FREM2: variants seen among roughly 807,000 people sequenced by gnomAD.
The protein encoded by FREM2 is FRAS1 related extracellular matrix 2, also known as FRAS1-related extracellular matrix protein 2.
In FREM2, 119 loss-of-function variants were observed where a neutral mutation model predicts 219.9. That is an observed-to-expected ratio of 0.54 (90% CI 0.47 to 0.63). The LOEUF (loss-of-function observed/expected upper bound fraction) is 0.63. Ranked by LOEUF, FREM2 falls within the 30% of genes least tolerant of loss-of-function variation. FREM2 has a pLI of 0.00. For synonymous variants in FREM2, 1,562 were observed against 1,522.8 expected, an observed-to-expected ratio of 1.03 and a Z score of -0.60; for missense variants, 4,030 against 3,993.6, an observed-to-expected ratio of 1.01 and a Z score of -0.25.
Position 38,851,772 on chromosome 13 carries a change from A to G in FREM2, c.6829A>G (p.Ile2277Val), listed in dbSNP as rs965071701. The G allele has an allele frequency of 1.2e-6, 2 of 1,613,858 alleles. No homozygotes were observed. Among genetic ancestry groups the G allele is most frequent in the Non-Finnish European group, 1.7e-6 (2 of 1,179,810 alleles). ...GESVVIRIPV[I>V]RQGDTSKVSI... ...GTCGGTGGTTATAAGAATTCCAGTG[A>G]TTCGCCAAGGAGACACTTCAAAGGT... Residue 2277 changes from isoleucine (I) to valine (V), a missense_variant, in exon 11 of 24, where the codon ATT (isoleucine) becomes GTT (valine). Ile to Val is a conservative substitution (Grantham distance 29). Transcript: ENST00000280481.
rs886042126 is a variant in FREM2, at chr13:38,691,675, T to A, written c.4331T>A (p.Leu1444Gln). 6.2e-7 allele frequency: 1 copy of A among 1,614,176 alleles called. No individual in the cohort carries two copies. The highest frequency in any genetic ancestry group is 8.5e-7 in the Non-Finnish European group (1 of 1,180,020). Residue 1444 changes from leucine (L) to glutamine (Q), a missense_variant, in exon 1 of 24, where the codon CTA (leucine) becomes CAA (glutamine). By Grantham distance (113) the Leu-to-Gln change is moderately radical (BLOSUM62 -2). Transcript: ENST00000280481. The part of the protein sequence containing the change: ...GGKVTLTTDL[L>Q]STSDLNSPDE... ...AAAGTCACTCTTACAACAGACCTAC[T>A]AAGCACTAGTGACTTGAACAGTCCT...
chr13:38,828,611 T>C lies in FREM2; in HGVS notation c.6020-17962T>C, dbSNP rs115484928. Among the ~76,000 whole-genome samples the C allele has an allele frequency of 9.5e-3, 1,447 of 152,056 alleles. 21 individuals are homozygous for C. The highest frequency in any genetic ancestry group is 0.034 in the African/African-American group (1,394 of 41,506). ...CTGTAATCCTACCTTCTTAGGAGGCTGAGGCAGGAGGATCACTTGAGCCCA... is the reference window on the plus strand; with the variant it reads ...CTGTAATCCTACCTTCTTAGGAGGCCGAGGCAGGAGGATCACTTGAGCCCA... On this transcript the variant is annotated intron_variant, in intron 6 of 23. Coordinates refer to ENST00000280481, the MANE Select transcript of FREM2 (RefSeq NM_207361.6).
At chr13:38,756,900 A>G (rs966745780) in intron 2 of FREM2, among the ~76,000 whole-genome samples, 3 of 152,234 alleles carry the variant, frequency 2.0e-5, no homozygotes, top group African/African-American at 7.2e-5. Flanking sequence ...AAATATGGAA[A>G]ATGTGGCACT....
intron 2 of FREM2, among the ~76,000 whole-genome samples, chr13:38,713,397 T>C (rs1342062272): frequency 1.3e-5 from 2 of 152,220 alleles, no homozygotes; most frequent in African/African-American, 4.8e-5. Context: ...CACAAGAATG[T>C]GAACATATAA....
intron 2 of FREM2, among the ~76,000 whole-genome samples, chr13:38,756,524 CTTT>C (rs1187227144): frequency 1.3e-4 from 13 of 103,494 alleles, no homozygotes; most frequent in Non-Finnish European, 2.0e-4. Flanking sequence ...GGTTGGGGAC[CTTT>C]TTTTTTTTTT....
In FREM2 at chr13:38,844,379, G is replaced by A. The variant is rs553196974; in HGVS notation, c.6020-2194G>A. ...TCTGTACATATATGGTAACTCATTC[G>A]TCTTCATTTCGAATGACAACTTAGA... On this transcript the variant is annotated intron_variant, in intron 6 of 23. Coordinates refer to ENST00000280481, the MANE Select transcript of FREM2 (RefSeq NM_207361.6). Among the ~76,000 whole-genome samples, 29 of 152,052 alleles carry A rather than the reference G, an allele frequency of 1.9e-4. 1 individual carries two copies. In the South Asian group the frequency reaches 5.6e-3, roughly 29 times the overall value.
At chr13:38,831,299 G>A (rs1876499406) in intron 6 of FREM2, among the ~76,000 whole-genome samples, 2 of 152,114 alleles carry the variant, frequency 1.3e-5, no homozygotes, top group African/African-American at 4.8e-5. Context: ...GGAAAATTTT[G>A]ATGACTGTGA....
In FREM2 at chr13:38,688,783, G is replaced by A. The variant is rs754308022; in HGVS notation, c.1439G>A (p.Arg480Gln). ...ISDEDDLEAV[R>Q]LEVVAGLRHG... The stretch of plus-strand genomic sequence containing the variant: ...GATGAGGATGACCTAGAAGCAGTGC[G>A]GCTAGAGGTGGTGGCTGGGCTCCGG... Residue 480 changes from arginine to glutamine, a missense_variant, in exon 1 of 24, where the codon CGG (arginine) becomes CAG (glutamine). Physicochemically the swap from Arg to Gln is conservative, Grantham distance 43. Coordinates refer to ENST00000280481, the MANE Select transcript of FREM2 (RefSeq NM_207361.6). 23 of 1,614,090 alleles carry A rather than the reference G, an allele frequency of 1.4e-5. No homozygotes were observed. Among genetic ancestry groups the A allele is most frequent in the Middle Eastern group, 1.6e-4 (1 of 6,062 alleles).
chr13:38,822,321 G>A lies in FREM2; in HGVS notation c.6020-24252G>A, dbSNP rs575389346. ...AGAGCTGAAGCTCTGTGGTCAAAAT[G>A]CCAACAAGGAGCCCATTCTTTCTTT... is the stretch of plus-strand genomic sequence containing the variant. On this transcript the variant is annotated intron_variant, in intron 6 of 23. Transcript: ENST00000280481. Among the ~76,000 whole-genome samples, 3 of 147,898 alleles carry A rather than the reference G, an allele frequency of 2.0e-5. No individual in the cohort carries two copies. The South Asian group carries it at 6.5e-4, about 32-fold the overall frequency.
intron 1 of FREM2, among the ~76,000 whole-genome samples, chr13:38,692,836 C>T (rs1322782966): frequency 1.3e-5 from 2 of 152,186 alleles, no homozygotes; most frequent in Non-Finnish European, 2.9e-5. Context: ...ACCTATCCAA[C>T]GCATCCTCTG....
chr13:38,790,434 C>T (rs370129627), intron 6 of FREM2, among the ~76,000 whole-genome samples: 1 of 151,980 alleles, frequency 6.6e-6, no homozygotes, highest in South Asian at 2.1e-4. Context: ...AAAAGAGTTT[C>T]TATTATATTT....
In FREM2 at chr13:38,851,059, A is replaced by C; in HGVS notation, c.6693A>C (p.Ala2231=). 1 of 1,614,052 alleles carries C rather than the reference A, an allele frequency of 6.2e-7. No individual in the cohort carries two copies. Among genetic ancestry groups the C allele is most frequent in the Non-Finnish European group, 8.5e-7 (1 of 1,179,980 alleles). ...TPQSNSPFGA[A]VGEQNETLIR... is the part of the protein sequence containing the mutation. ...AAAGCAACTCTCCCTTTGGGGCTGC[A>C]GTTGGTGAACAAAATGAAACTCTCA... Residue 2231 remains alanine, a synonymous_variant, in exon 10 of 24, where the codon GCA becomes GCC. Coordinates refer to ENST00000280481, the MANE Select transcript of FREM2 (RefSeq NM_207361.6).
At chr13:38,780,966 T>C (rs1004977350) in intron 4 of FREM2, among the ~76,000 whole-genome samples, 1 of 152,246 alleles carries the variant, frequency 6.6e-6, no homozygotes, top group Non-Finnish European at 1.5e-5. Flanking sequence ...TAGTGGCTGA[T>C]TCCATTGCTA....
In FREM2 at chr13:38,691,971, G is replaced by A. The variant is rs777946428; in HGVS notation, c.4627G>A (p.Val1543Ile). Residue 1543 changes from valine to isoleucine, a missense_variant, in exon 1 of 24, where the codon GTC becomes ATC. Val to Ile is a conservative substitution (Grantham distance 29, BLOSUM62 3). Coordinates refer to ENST00000280481, the MANE Select transcript of FREM2 (RefSeq NM_207361.6). The part of the protein sequence containing the change: ...KPVVTIHKLV[V>I]SESENKLITP... ...AGTGGTCACCATCCACAAGCTGGTTGTCAGTGAAAGTGAAAACAAGCTGAT... is the reference window on the plus strand; with the variant it reads ...AGTGGTCACCATCCACAAGCTGGTTATCAGTGAAAGTGAAAACAAGCTGAT... 1 of 1,614,222 alleles carries A rather than the reference G, an allele frequency of 6.2e-7. No individual in the cohort carries two copies. The highest frequency in any genetic ancestry group is 8.5e-7 in the Non-Finnish European group (1 of 1,180,042).
intron 6 of FREM2, among the ~76,000 whole-genome samples, chr13:38,790,293 G>A (rs1002740915): frequency 6.6e-6 from 1 of 152,018 alleles, no homozygotes; most frequent in African/African-American, 2.4e-5. Flanking sequence ...TACATCACCT[G>A]TTCCTGTGTG....
chr13:38,741,095 G>C lies in FREM2; in HGVS notation c.5264-23209G>C, dbSNP rs371851822. Among the ~76,000 whole-genome samples, 132 of 152,246 alleles carry C rather than the reference G, an allele frequency of 8.7e-4. 1 individual carries two copies. The highest frequency in any genetic ancestry group is 3.2e-3 in the African/African-American group (131 of 41,556). ...TATTTATCACCATGTTACAATGTAG[G>C]AAACTAAGGCACAAAGAATAAATAT... On this transcript the variant is annotated intron_variant, in intron 2 of 23. Coordinates refer to ENST00000280481, the MANE Select transcript of FREM2 (RefSeq NM_207361.6).
intron 4 of FREM2, among the ~76,000 whole-genome samples, chr13:38,778,975 G>C (rs1873994290): frequency 6.6e-6 from 1 of 151,938 alleles, no homozygotes; most frequent in South Asian, 2.1e-4. Context: ...AGTGATACTT[G>C]GTGTATTATT....
intron 2 of FREM2, among the ~76,000 whole-genome samples, chr13:38,706,849 T>C (rs1268416103): frequency 6.6e-6 from 1 of 152,190 alleles, no homozygotes; most frequent in Non-Finnish European, 1.5e-5. Context: ...AATGTCATAC[T>C]TAATCCTCAT....
chr13:38,724,349 G>C (rs943757831), intron 2 of FREM2, among the ~76,000 whole-genome samples: 2 of 152,198 alleles, frequency 1.3e-5, no homozygotes, highest in African/African-American at 4.8e-5. Context: ...TAAAGACACA[G>C]AGATTCAGAA....
Sources: gnomAD v4.1 joint callset for allele counts (sites outside exome capture counted in the v4.1 genomes callset) on GRCh38, gnomAD v4.1.1 for gene constraint, MANE v1.5 for transcripts, NCBI Gene and HGNC (gene_info 2026-07-23, HGNC 2026-07-21) for gene names.